SLIT3: variants seen among roughly 807,000 people sequenced by gnomAD.
SLIT3 encodes slit guidance ligand 3.
A neutral mutation model predicts 184.0 loss-of-function variants in SLIT3; 68 were observed. That is an observed-to-expected ratio of 0.37 (90% CI 0.30 to 0.45). The LOEUF (loss-of-function observed/expected upper bound fraction) is 0.45, where lower values mean the gene tolerates loss of function less well. SLIT3 is among the 20% of genes least tolerant of loss of function. SLIT3 has a pLI of 1.00. For missense variants in SLIT3, 1,707 were observed against 2,026.0 expected (o/e 0.84, Z 3.02); for synonymous variants, 831 against 828.6 (o/e 1.00, Z -0.05).
intron 4 of SLIT3, among the ~76,000 whole-genome samples, chr5:168,973,636 T>C (rs1478047121): frequency 6.6e-6 from 1 of 152,220 alleles, no homozygotes; most frequent in Non-Finnish European, 1.5e-5. Flanking sequence ...GTGGTTTTAG[T>C]ATATACACAG....
intron 4 of SLIT3, among the ~76,000 whole-genome samples, chr5:168,967,568 T>C (rs1396063437): frequency 7.1e-6 from 1 of 140,128 alleles, no homozygotes; most frequent in African/African-American, 2.6e-5. Flanking sequence ...GCCTCCCAAG[T>C]AGCTGGGACT....
chr5:169,052,061 G>A lies in SLIT3; in HGVS notation c.413+141418C>T, dbSNP rs113523656. On this transcript the variant is annotated intron_variant, in intron 4 of 35. Coordinates refer to ENST00000519560, the MANE Select transcript of SLIT3 (RefSeq NM_003062.4). The stretch of plus-strand genomic sequence containing the variant: ...CATCCCCAGCCCCCTTCAGAAAGAT[G>A]CCCCCCTCCAGCCAGAGAACTTCTT... 4.4e-3 allele frequency among the ~76,000 whole-genome samples: 654 copies of A among 149,560 alleles called. 6 individuals carry two copies. Among genetic ancestry groups the A allele is most frequent in the African/African-American group, 0.015 (617 of 40,428 alleles).
chr5:168,914,932 A>AT (rs1246270042), intron 4 of SLIT3, among the ~76,000 whole-genome samples: 10 of 152,134 alleles, frequency 6.6e-5, no homozygotes, highest in African/African-American at 1.4e-4. Context: ...CTTTTTCTTG[A>AT]TTTTTTTAAA....
chr5:169,252,177 C>A (rs1193694512), intron 1 of SLIT3, among the ~76,000 whole-genome samples: 1 of 152,204 alleles, frequency 6.6e-6, no homozygotes, highest in Non-Finnish European at 1.5e-5. Flanking sequence ...TATTTTCCAG[C>A]TACTTTGCAA....
chr5:169,201,916 C>A (rs1763913912), intron 3 of SLIT3, among the ~76,000 whole-genome samples: 1 of 152,206 alleles, frequency 6.6e-6, no homozygotes. Flanking sequence ...CACCAGTATG[C>A]CTTAAGCATC....
chr5:168,753,819 C>T (rs959504930), intron 17 of SLIT3, 45 bp downstream of exon 17: 3 of 1,589,190 alleles, frequency 1.9e-6, no homozygotes, highest in East Asian at 2.2e-5. Context: ...CCTGCCCTCC[C>T]GTCTCCCTCT....
intron 5 of SLIT3, among the ~76,000 whole-genome samples, chr5:168,871,827 AAGG>A (rs1260876354): frequency 1.3e-5 from 2 of 152,218 alleles, no homozygotes; most frequent in Non-Finnish European, 2.9e-5. Flanking sequence ...AACTGAGGCT[AAGG>A]AGGAGGCATG....
chr5:168,803,226 T>C (rs530643962), intron 9 of SLIT3, among the ~76,000 whole-genome samples: 6 of 152,342 alleles, frequency 3.9e-5, no homozygotes, highest in African/African-American at 1.2e-4. Flanking sequence ...GTGGCTATCA[T>C]TTTATAAAAT....
At chr5:169,260,674 C>T (rs1273053385) in intron 1 of SLIT3, among the ~76,000 whole-genome samples, 1 of 152,194 alleles carries the variant, frequency 6.6e-6, no homozygotes, top group Non-Finnish European at 1.5e-5. Context: ...ATCAACTCTC[C>T]TGGAATATTC....
chr5:169,298,963 A>G (rs190658557), intron 1 of SLIT3, among the ~76,000 whole-genome samples: 1 of 152,308 alleles, frequency 6.6e-6, no homozygotes, highest in African/African-American at 2.4e-5. Flanking sequence ...GAGGAGGGGA[A>G]CTTAGTTTAC....
At chr5:168,944,409 T>G (rs1215930697) in intron 4 of SLIT3, among the ~76,000 whole-genome samples, 2 of 152,212 alleles carry the variant, frequency 1.3e-5, no homozygotes, top group Non-Finnish European at 2.9e-5. Context: ...TGCAGACTTC[T>G]GAAGGCGTAG....
intron 5 of SLIT3, among the ~76,000 whole-genome samples, chr5:168,849,187 A>G (rs537310255): frequency 6.6e-6 from 1 of 152,342 alleles, no homozygotes; most frequent in South Asian, 2.1e-4. Flanking sequence ...CAAACTAGGT[A>G]TCTACATGCA....
intron 4 of SLIT3, among the ~76,000 whole-genome samples, chr5:169,039,915 T>A (rs1263605544): frequency 6.6e-6 from 1 of 152,230 alleles, no homozygotes; most frequent in Non-Finnish European, 1.5e-5. Context: ...TCACTATCCC[T>A]TTTAACAAAA....
chr5:168,878,151 C>T lies in SLIT3; in HGVS notation c.485+5114G>A, dbSNP rs936190720. Among the ~76,000 whole-genome samples, 14 of 152,208 alleles carry T rather than the reference C, an allele frequency of 9.2e-5. No homozygotes were observed. In the South Asian group the frequency reaches 1.2e-3, roughly 14 times the overall value. ...TCTTCATCCAGATCACTTTGTCCAT[C>T]GAACCGCCTGTCTCTCTTTAAATAC... On this transcript the variant is annotated intron_variant, in intron 5 of 35. Transcript: ENST00000519560.
At chr5:168,955,395 T>C (rs1351805537) in intron 4 of SLIT3, among the ~76,000 whole-genome samples, 1 of 152,196 alleles carries the variant, frequency 6.6e-6, no homozygotes, top group Non-Finnish European at 1.5e-5. Context: ...TGGTTAGGAC[T>C]CAATTGCTCC....
intron 4 of SLIT3, among the ~76,000 whole-genome samples, chr5:169,054,496 G>C (rs1378550290): frequency 1.3e-5 from 2 of 152,072 alleles, no homozygotes; most frequent in African/African-American, 4.8e-5. Flanking sequence ...CACCCCTCTT[G>C]TCCAGGCAAT....
intron 4 of SLIT3, chr5:169,026,518 G>C (rs1265250402): frequency 2.0e-5 from 3 of 152,154 alleles, no homozygotes; most frequent in African/African-American, 7.2e-5. Context: ...CACCGTGCAG[G>C]ATTATGATAT....
intron 4 of SLIT3, among the ~76,000 whole-genome samples, chr5:168,929,749 T>C (rs1761932814): frequency 6.6e-6 from 1 of 152,180 alleles, no homozygotes; most frequent in South Asian, 2.1e-4. Flanking sequence ...AAGAAATGAA[T>C]GGGAAACTGC....
intron 4 of SLIT3, among the ~76,000 whole-genome samples, chr5:168,956,693 T>G (rs1259553068): frequency 6.6e-6 from 1 of 151,422 alleles, no homozygotes; most frequent in East Asian, 2.0e-4. Context: ...CTTGGGAGGC[T>G]GAGGCAGAAG....
Sources: gnomAD v4.1 joint callset for allele counts (sites outside exome capture counted in the v4.1 genomes callset) on GRCh38, gnomAD v4.1.1 for gene constraint, MANE v1.5 for transcripts, NCBI Gene and HGNC (gene_info 2026-07-23, HGNC 2026-07-21) for gene names.